MACROD2: variants seen among roughly 807,000 people sequenced by gnomAD.
MACROD2 encodes ADP-ribose glycohydrolase MACROD2.
In MACROD2, 36 loss-of-function variants were observed where a neutral mutation model predicts 70.4. The ratio of observed to expected loss-of-function variants is 0.51; its 90% CI spans 0.39 to 0.68. The LOEUF is 0.68. MACROD2 is among the 30% of genes least tolerant of loss of function. MACROD2 has a pLI of 0.00. For synonymous variants in MACROD2, 172 were observed against 178.8 expected (o/e 0.96, Z 0.30); for missense variants, 496 against 538.4 (o/e 0.92, Z 0.78).
At chr20:15,067,744 C>T (rs1305468023) in intron 5 of MACROD2, among the ~76,000 whole-genome samples, 1 of 152,020 alleles carries the variant, frequency 6.6e-6, no homozygotes, top group Non-Finnish European at 1.5e-5. Context: ...ATTGATTTAT[C>T]AATTTATTGA....
chr20:14,935,448 G>A (rs1159424745), intron 5 of MACROD2: 1 of 152,134 alleles, frequency 6.6e-6, no homozygotes, highest in African/African-American at 2.4e-5. Context: ...GAATGCCTAT[G>A]TGTTTGTTGT....
intron 4 of MACROD2, among the ~76,000 whole-genome samples, chr20:14,502,411 C>T (rs560517213): frequency 5.9e-5 from 9 of 152,234 alleles, no homozygotes; most frequent in African/African-American, 1.9e-4. Context: ...GTGGGTCCCT[C>T]GGGTTACATG....
intron 4 of MACROD2, among the ~76,000 whole-genome samples, chr20:14,616,507 C>T (rs1220593791): frequency 6.6e-6 from 1 of 152,036 alleles, no homozygotes; most frequent in East Asian, 1.9e-4. Flanking sequence ...GGCTTCTGAG[C>T]CCCTGGAAAT....
At chr20:15,622,190 C>G (rs2049135571) in intron 8 of MACROD2, among the ~76,000 whole-genome samples, 1 of 152,218 alleles carries the variant, frequency 6.6e-6, no homozygotes, top group Admixed American at 6.5e-5. Flanking sequence ...GGTTCATAGT[C>G]TCATTGTTCT....
intron 3 of MACROD2, among the ~76,000 whole-genome samples, chr20:14,263,130 T>G (rs569549044): frequency 6.6e-6 from 1 of 152,260 alleles, no homozygotes; most frequent in Non-Finnish European, 1.5e-5. Flanking sequence ...TGCACCTTTT[T>G]TTGATACTAG....
intron 8 of MACROD2, among the ~76,000 whole-genome samples, chr20:15,734,162 T>A (rs538077137): frequency 1.3e-5 from 2 of 152,308 alleles, no homozygotes; most frequent in Admixed American, 1.3e-4. Context: ...GATACGGATG[T>A]CAGTACCCTA....
At chr20:15,227,836 T>TTTTTTTTG (rs2076923059) in intron 5 of MACROD2, among the ~76,000 whole-genome samples, 2 of 124,618 alleles carry the variant, frequency 1.6e-5, no homozygotes, top group African/African-American at 6.3e-5. Flanking sequence ...TTTTTTTTTT[T>TTTTTTTTG]TTTTTTTTTT....
chr20:14,623,227 T>C (rs933579034), intron 4 of MACROD2, among the ~76,000 whole-genome samples: 1 of 151,984 alleles, frequency 6.6e-6, no homozygotes, highest in African/African-American at 2.4e-5. Context: ...CAGGCTGATA[T>C]CTAGGGTCAA....
At chr20:15,910,858 A>G (rs2065226245) in intron 10 of MACROD2, among the ~76,000 whole-genome samples, 1 of 152,246 alleles carries the variant, frequency 6.6e-6, no homozygotes, top group African/African-American at 2.4e-5. Context: ...GCAAACTTGT[A>G]TCTGAAAAGT....
At chr20:14,719,068 C>T (rs902772495) in intron 5 of MACROD2, among the ~76,000 whole-genome samples, 16 of 152,008 alleles carry the variant, frequency 1.1e-4, no homozygotes, top group Admixed American at 1.0e-3. Flanking sequence ...CCCATCTCTA[C>T]TAAAAATACA....
At chr20:15,480,681 T>C (rs1001417365) in intron 7 of MACROD2, among the ~76,000 whole-genome samples, 3 of 152,048 alleles carry the variant, frequency 2.0e-5, no homozygotes, top group Non-Finnish European at 4.4e-5. Context: ...TGGGAGAAAG[T>C]GATTCGTGTA....
chr20:14,601,498 A>G (rs1037893950), intron 4 of MACROD2, among the ~76,000 whole-genome samples: 2 of 151,980 alleles, frequency 1.3e-5, no homozygotes, highest in Admixed American at 1.3e-4. Context: ...CAATACTTTT[A>G]GGAACCCAAA....
At chr20:14,698,473 GT>G (rs35528173) in intron 5 of MACROD2, among the ~76,000 whole-genome samples, 1 of 152,226 alleles carries the variant, frequency 6.6e-6, no homozygotes, top group East Asian at 1.9e-4. Flanking sequence ...ATGGTTAGCT[GT>G]TTTTCAGTAA....
intron 3 of MACROD2, among the ~76,000 whole-genome samples, chr20:14,444,021 G>A (rs1261573638): frequency 6.6e-6 from 1 of 152,038 alleles, no homozygotes; most frequent in Non-Finnish European, 1.5e-5. Context: ...AAGTAATTTA[G>A]TTAAAACCAA....
At chr20:15,763,713 CT>C (rs2147002010) in intron 8 of MACROD2, among the ~76,000 whole-genome samples, 1 of 152,086 alleles carries the variant, frequency 6.6e-6, no homozygotes, top group African/African-American at 2.4e-5. Flanking sequence ...TCTCAATGTT[CT>C]ATTTAACATG....
At chr20:14,226,092 T>G (rs918666403) in intron 3 of MACROD2, among the ~76,000 whole-genome samples, 1 of 152,148 alleles carries the variant, frequency 6.6e-6, no homozygotes, top group Non-Finnish European at 1.5e-5. Context: ...GGTTTAGGTA[T>G]AGAAGCTTCA....
chr20:14,023,737 C>G (rs1168914730), intron 2 of MACROD2, among the ~76,000 whole-genome samples: 1 of 152,152 alleles, frequency 6.6e-6, no homozygotes, highest in Non-Finnish European at 1.5e-5. Flanking sequence ...TCTGAGCCCT[C>G]TGTTCTGTAT....
At chr20:14,014,706 A>G (rs146923182) in intron 2 of MACROD2, among the ~76,000 whole-genome samples, 19 of 152,262 alleles carry the variant, frequency 1.2e-4, no homozygotes, top group Admixed American at 3.3e-4. Context: ...TTCACTTATC[A>G]TACCAGTTCC....
At chr20:15,811,382 A>T (rs2063820124) in intron 8 of MACROD2, among the ~76,000 whole-genome samples, 2 of 152,092 alleles carry the variant, frequency 1.3e-5, no homozygotes, top group African/African-American at 4.8e-5. Flanking sequence ...TCAAAACCAC[A>T]ATGAGATACC....
Sources: allele counts gnomAD v4.1 joint callset (sites outside exome capture counted in the v4.1 genomes callset), GRCh38; gene constraint gnomAD v4.1.1; transcripts MANE v1.5; gene names NCBI Gene and HGNC (gene_info 2026-07-23, HGNC 2026-07-21).